SEC23B: variants seen among roughly 807,000 people sequenced by gnomAD.
The protein encoded by SEC23B is protein transport protein Sec23B.
In SEC23B, 77 loss-of-function variants were observed where a neutral mutation model predicts 104.3. That is an observed-to-expected ratio of 0.74 (90% confidence interval 0.61 to 0.89). SEC23B has a LOEUF of 0.89. SEC23B is among the 40% of genes least tolerant of loss of function. SEC23B has a pLI of 0.00. For missense variants in SEC23B, 885 were observed against 949.4 expected (o/e 0.93, Z 0.89); for synonymous variants, 338 against 332.5 (o/e 1.02, Z -0.18).
chr20:18,546,543 G>A (rs2060334115), intron 15 of SEC23B, among the ~76,000 whole-genome samples: 1 of 152,244 alleles, frequency 6.6e-6, no homozygotes, highest in South Asian at 2.1e-4. Flanking sequence ...AGAGGAGCAG[G>A]AGAAGTAGAT....
intron 8 of SEC23B, 123 bp from the exon 9 acceptor site, chr20:18,527,371 CTG>C (rs1419201740): frequency 4.0e-6 from 3 of 743,458 alleles, no homozygotes; most frequent in Non-Finnish European, 7.3e-6. Flanking sequence ...GAGAGAGACT[CTG>C]TCACAAAAAG....
intron 8 of SEC23B, among the ~76,000 whole-genome samples, 157 bp downstream of exon 8, chr20:18,526,688 T>C (rs1053071867): frequency 4.6e-5 from 7 of 152,202 alleles, no homozygotes; most frequent in African/African-American, 1.7e-4. Flanking sequence ...AAATTATTGC[T>C]CCTACTTTCA....
intron 4 of SEC23B, chr20:18,516,039 A>C: frequency 2.9e-6 from 1 of 348,840 alleles, no homozygotes; most frequent in East Asian, 6.8e-5. Flanking sequence ...CTTATCCTTG[A>C]CCTCTCTCTT....
intron 17 of SEC23B, among the ~76,000 whole-genome samples, chr20:18,552,523 T>C (rs189940947): frequency 4.5e-4 from 68 of 152,254 alleles, no homozygotes; most frequent in African/African-American, 1.5e-3. Flanking sequence ...AAATAAAATA[T>C]ACAGCACAGG....
At position 18,548,795 on chromosome 20, in the gene SEC23B, C is replaced by T. The variant is rs376061278; in HGVS notation, c.1905+25C>T. On this transcript the variant is annotated intron_variant, in intron 16 of 19. Transcript: ENST00000650089. ...GGTGAGGCTCTACCCAAATGCTTTCCTGAGGATTGGAATCACCTAACATAT... is the reference window on the plus strand; with the variant it reads ...GGTGAGGCTCTACCCAAATGCTTTCTTGAGGATTGGAATCACCTAACATAT... 6.8e-6 allele frequency: 11 copies of T among 1,610,546 alleles called. No individual in the cohort carries two copies. The African/African-American group carries it at 1.5e-4, about 22-fold the overall frequency.
At position 18,555,173 on chromosome 20, in the gene SEC23B, G is replaced by C; in HGVS notation, c.2214G>C (p.Gln738His). 1 of 1,612,348 alleles carries C rather than the reference G, an allele frequency of 6.2e-7. No individual in the cohort carries two copies. The change falls in exon 19 of 20, where the codon CAG (glutamine) becomes CAC (histidine). Residue 738 changes from glutamine (Q) to histidine (H), a missense_variant and splice_region_variant. Gln to His is a conservative substitution (Grantham distance 24). Transcript: ENST00000650089. Reference protein sequence around the residue: ...QTHNNLYAWGQETGAPILTDD... With the variant: ...QTHNNLYAWGHETGAPILTDD... ...ACAATAACCTGTATGCTTGGGGACA[G>C]GTAAGAAATCTTCAGGTATTTGGGG...
At chr20:18,539,427 A>G (rs578134410) in intron 12 of SEC23B, among the ~76,000 whole-genome samples, 66 of 137,560 alleles carry the variant, frequency 4.8e-4, no homozygotes, top group Middle Eastern at 5.6e-3. Flanking sequence ...GGAGAATGGC[A>G]TGAACCCAGG....
At chr20:18,523,632 A>G (rs927779667) in intron 4 of SEC23B, among the ~76,000 whole-genome samples, 4 of 149,716 alleles carry the variant, frequency 2.7e-5, no homozygotes, top group Non-Finnish European at 5.9e-5. Context: ...TGAACTCCTG[A>G]CCTCGTGATC....
intron 6 of SEC23B, among the ~76,000 whole-genome samples, chr20:18,525,572 A>C (rs1191334001): frequency 1.3e-5 from 2 of 150,984 alleles, no homozygotes; most frequent in African/African-American, 4.8e-5. Flanking sequence ...TTTCCGTGCA[A>C]CATAAGTAAA....
At chr20:18,544,396 A>G (rs868034631) in intron 14 of SEC23B, among the ~76,000 whole-genome samples, 2 of 152,338 alleles carry the variant, frequency 1.3e-5, no homozygotes, top group South Asian at 2.1e-4. Context: ...GGTGGCTAAC[A>G]AAGACTTCCT....
intron 12 of SEC23B, among the ~76,000 whole-genome samples, chr20:18,539,441 C>T (rs1324803168): frequency 3.3e-5 from 4 of 120,794 alleles, no homozygotes; most frequent in East Asian, 2.9e-4. Context: ...ACCCAGGAGG[C>T]GGAGGTTGCA....
chr20:18,559,922 T>C (rs933726352), intron 19 of SEC23B, among the ~76,000 whole-genome samples: 2 of 152,186 alleles, frequency 1.3e-5, no homozygotes, highest in Admixed American at 1.3e-4. Flanking sequence ...TTCTATTCCT[T>C]CCTCGAAATC....
At chr20:18,530,624 A>G in intron 9 of SEC23B, 56 bp from the exon 10 acceptor site, 1 of 1,595,870 alleles carries the variant, frequency 6.3e-7, no homozygotes, top group Non-Finnish European at 8.5e-7. Flanking sequence ...CTGAGGGAGC[A>G]TCTGAATGGC....
chr20:18,554,584 T>A (rs1443145888), intron 18 of SEC23B, among the ~76,000 whole-genome samples, 194 bp downstream of exon 18: 1 of 151,986 alleles, frequency 6.6e-6, no homozygotes, highest in African/African-American at 2.4e-5. Flanking sequence ...TCCCAGCACT[T>A]TGGGAGGCCG....
intron 1 of SEC23B, 110 bp from the exon 2 acceptor site, chr20:18,510,712 G>A: frequency 2.3e-6 from 2 of 851,422 alleles, no homozygotes; most frequent in Non-Finnish European, 3.9e-6. Flanking sequence ...GCTGCAGTGA[G>A]CTGAGATGGG....
At chr20:18,520,322 A>G (rs1239794087) in intron 4 of SEC23B, among the ~76,000 whole-genome samples, 5 of 152,228 alleles carry the variant, frequency 3.3e-5, no homozygotes, top group Admixed American at 6.5e-5. Context: ...ATCCATTTAA[A>G]GCATGCCGTG....
At chr20:18,511,793 A>C (rs925579642) in intron 2 of SEC23B, among the ~76,000 whole-genome samples, 1 of 152,240 alleles carries the variant, frequency 6.6e-6, no homozygotes, top group African/African-American at 2.4e-5. Flanking sequence ...GGGCTAAGTC[A>C]GGTTAAAAAT....
At chr20:18,558,537 G>A (rs1167422660) in intron 19 of SEC23B, among the ~76,000 whole-genome samples, 1 of 152,120 alleles carries the variant, frequency 6.6e-6, no homozygotes. Flanking sequence ...TTGACATCCA[G>A]TGACATGAAT....
intron 19 of SEC23B, among the ~76,000 whole-genome samples, chr20:18,559,079 G>C (rs549889233): frequency 3.6e-5 from 5 of 139,554 alleles, no homozygotes; most frequent in African/African-American, 1.4e-4. Context: ...AAGGTGGTTG[G>C]TGGGGGGGGT....
Sources: allele counts gnomAD v4.1 joint callset (sites outside exome capture counted in the v4.1 genomes callset), GRCh38; gene constraint gnomAD v4.1.1; transcripts MANE v1.5; gene names NCBI Gene and HGNC (gene_info 2026-07-23, HGNC 2026-07-21).